CNTN1: variants seen among roughly 807,000 people sequenced by gnomAD.
CNTN1 encodes the protein contactin 1, also known as contactin-1.
A neutral mutation model predicts 126.4 loss-of-function variants in CNTN1; 38 were observed. That is an observed-to-expected ratio of 0.30 (90% CI 0.23 to 0.39). The LOEUF (loss-of-function observed/expected upper bound fraction) is 0.39. CNTN1 is among the 10% of genes least tolerant of loss of function. The pLI, the probability that CNTN1 is intolerant of heterozygous loss-of-function variation, is 1.00. For missense variants in CNTN1, 1,009 were observed against 1,248.4 expected (o/e 0.81, Z 2.89); for synonymous variants, 413 against 422.6 (o/e 0.98, Z 0.28).
intron 23 of CNTN1, among the ~76,000 whole-genome samples, chr12:41,053,428 AAT>A (rs66808071): frequency 0.14 from 8,706 of 63,854 alleles, 531 homozygotes; most frequent in East Asian, 0.22. Flanking sequence ...GTTTTCACTA[AAT>A]ATATATATAT....
At position 41,016,782 on chromosome 12, in the gene CNTN1, C is replaced by G. The variant is rs1592409142; in HGVS notation, c.2285C>G (p.Pro762Arg). 3 of 1,614,084 alleles carry G rather than the reference C, an allele frequency of 1.9e-6. No homozygotes were observed. Among genetic ancestry groups the G allele is most frequent in the East Asian group, 4.5e-5 (2 of 44,864 alleles). ...EEWKKVTVTN[P>R]DTGRYVHKDE... is the part of the protein sequence containing the mutation. The stretch of plus-strand genomic sequence containing the variant: ...TGGAAAAAAGTCACAGTTACTAATC[C>G]TGATACTGGCCGATATGTCCATAAA... The change falls in exon 19 of 24, where the codon CCT becomes CGT. Residue 762 changes from proline (P) to arginine (R), a missense_variant. Transcript: ENST00000551295.
Position 40,988,686 on chromosome 12 carries a change from G to A in CNTN1, c.1964-4434G>A, listed in dbSNP as rs567389880. Among the ~76,000 whole-genome samples the A allele has an allele frequency of 3.3e-5, 5 of 152,290 alleles. No homozygotes were observed. The South Asian group carries it at 1.0e-3, about 32-fold the overall frequency. On this transcript the variant is annotated intron_variant, in intron 16 of 23. Transcript: ENST00000551295. The stretch of plus-strand genomic sequence containing the variant: ...ATAGATCTTTGAATTATTGCTTACA[G>A]CTGGTTGCTAAACTGAGTACTTTGG...
chr12:40,797,115 C>A (rs1167249729), intron 1 of CNTN1, among the ~76,000 whole-genome samples: 1 of 151,946 alleles, frequency 6.6e-6, no homozygotes, highest in Non-Finnish European at 1.5e-5. Flanking sequence ...TTTGGCACCC[C>A]CTATGTGCCC....
chr12:40,903,442 C>T (rs1286149387), intron 1 of CNTN1, among the ~76,000 whole-genome samples: 1 of 145,614 alleles, frequency 6.9e-6, no homozygotes, highest in East Asian at 2.1e-4. Context: ...CTTTCAGGTC[C>T]ATGGAGGTCA....
rs112835012 is a variant in CNTN1, at chr12:40,937,936, T to C, written c.1228+249T>C. Among the ~76,000 whole-genome samples, 475 of 152,268 alleles carry C rather than the reference T, an allele frequency of 3.1e-3. 3 individuals carry two copies. The highest frequency in any genetic ancestry group is 0.011 in the African/African-American group (446 of 41,550). On this transcript the variant is annotated intron_variant, in intron 11 of 23. Coordinates refer to ENST00000551295, the MANE Select transcript of CNTN1 (RefSeq NM_001843.4). ...AGCAGTGGCCATACCTAGGAGCACA[T>C]TAGAAGTGCAGAATCCCAGGCTCAC... is the stretch of plus-strand genomic sequence containing the variant.
chr12:40,960,224 GT>G lies in CNTN1; in HGVS notation c.1804+1000del, dbSNP rs376625387. On this transcript the variant is annotated intron_variant, in intron 15 of 23. Coordinates refer to ENST00000551295, the MANE Select transcript of CNTN1 (RefSeq NM_001843.4). ...CTCCTAAGTTGTAAAATTCATATAT[GT>G]TTTTTTTTTAGTGAATGGCAGAGTT... 3.1e-3 allele frequency among the ~76,000 whole-genome samples: 448 copies of G among 146,456 alleles called. 1 individual carries two copies. Among genetic ancestry groups the G allele is most frequent in the African/African-American group, 9.5e-3 (381 of 40,110 alleles).
chr12:40,924,793 T>C, intron 6 of CNTN1, 141 bp downstream of exon 6: 1 of 629,326 alleles, frequency 1.6e-6, no homozygotes. Context: ...TACCTTGTAA[T>C]GTGTCACTAA....
chr12:41,064,597 A>C (rs1950010732), intron 23 of CNTN1, among the ~76,000 whole-genome samples: 1 of 152,202 alleles, frequency 6.6e-6, no homozygotes, highest in Non-Finnish European at 1.5e-5. Flanking sequence ...CACATGTTCC[A>C]TGGGGTGATA....
chr12:41,027,764 T>C, intron 21 of CNTN1, 93 bp from the exon 22 acceptor site: 1 of 814,252 alleles, frequency 1.2e-6, no homozygotes, highest in Non-Finnish European at 2.1e-6. Context: ...GTGGTGGTCA[T>C]TATCATCAGC....
At chr12:41,040,723 A>G (rs950619258) in intron 23 of CNTN1, among the ~76,000 whole-genome samples, 4 of 151,726 alleles carry the variant, frequency 2.6e-5, no homozygotes, top group Non-Finnish European at 5.9e-5. Flanking sequence ...TTTGTCTGTG[A>G]TTGGTGTATA....
rs534767368 is a variant in CNTN1, at chr12:40,905,271, T to C, written c.-76-3086T>C. ...TATGTGGACACAACTAATCTTTTTTTAGGCCTATCCCACTTCTTTCCAGAT... is the reference window on the plus strand; with the variant it reads ...TATGTGGACACAACTAATCTTTTTTCAGGCCTATCCCACTTCTTTCCAGAT... On this transcript the variant is annotated intron_variant, in intron 1 of 23. Coordinates refer to ENST00000551295, the MANE Select transcript of CNTN1 (RefSeq NM_001843.4). 5.9e-5 allele frequency among the ~76,000 whole-genome samples: 9 copies of C among 152,362 alleles called. No homozygotes were observed. In the East Asian group the frequency reaches 1.5e-3, roughly 26 times the overall value.
At position 40,933,471 on chromosome 12, in the gene CNTN1, A is replaced by G; in HGVS notation, c.714A>G (p.Lys238=). 6.2e-7 allele frequency: 1 copy of G among 1,605,810 alleles called. No individual in the cohort carries two copies. Among genetic ancestry groups the G allele is most frequent in the Non-Finnish European group, 8.5e-7 (1 of 1,172,882 alleles). Residue 238 remains lysine (K), a synonymous_variant, in exon 8 of 24, where the codon AAA becomes AAG. Coordinates refer to ENST00000551295, the MANE Select transcript of CNTN1 (RefSeq NM_001843.4). The part of the protein sequence containing the change: ...PLIPIPERTT[K]PYPADIVVQF... ...TTCTCTTAATATTAGGAACAACAAA[A>G]CCATATCCTGCTGATATTGTAGTTC...
intron 1 of CNTN1, among the ~76,000 whole-genome samples, chr12:40,891,576 G>T (rs894727648): frequency 6.6e-6 from 1 of 152,066 alleles, no homozygotes; most frequent in Non-Finnish European, 1.5e-5. Context: ...TGTAAGGTAC[G>T]TAGCTAAATT....
chr12:40,772,888 C>A (rs113736870), intron 1 of CNTN1, among the ~76,000 whole-genome samples: 228 of 151,954 alleles, frequency 1.5e-3, no homozygotes, highest in African/African-American at 5.2e-3. Context: ...ACTTCACATG[C>A]TGTTAATTTC....
intron 17 of CNTN1, among the ~76,000 whole-genome samples, chr12:41,004,017 T>A (rs1367674688): frequency 6.6e-6 from 1 of 152,162 alleles, no homozygotes; most frequent in Non-Finnish European, 1.5e-5. Context: ...GTTCTCTAGT[T>A]TTTTTAGTTG....
chr12:40,965,997 ACCACACACAC>A (rs1307624056), intron 15 of CNTN1, among the ~76,000 whole-genome samples: 12 of 119,902 alleles, frequency 1.0e-4, no homozygotes, highest in African/African-American at 4.0e-4. Context: ...ACCTCATCAC[ACCACACACAC>A]ACACACACAC....
chr12:40,972,683 G>GCTAT (rs1290496138), intron 15 of CNTN1: 1 of 963,308 alleles, frequency 1.0e-6, no homozygotes, highest in East Asian at 1.1e-4. Flanking sequence ...TCCAAAAGGA[G>GCTAT]CTATCTTAGA....
At chr12:40,882,411 T>C (rs1050271551) in intron 1 of CNTN1, among the ~76,000 whole-genome samples, 2 of 151,820 alleles carry the variant, frequency 1.3e-5, no homozygotes, top group Middle Eastern at 3.4e-3. Context: ...TAAAAGTAGA[T>C]GATTTGAAAG....
chr12:40,759,715 C>T lies in CNTN1; in HGVS notation c.-77+67123C>T, dbSNP rs145215308. Among the ~76,000 whole-genome samples the T allele has an allele frequency of 8.4e-3, 1,278 of 151,404 alleles. 23 individuals are homozygous for T. Among genetic ancestry groups the T allele is most frequent in the African/African-American group, 0.029 (1,202 of 41,206 alleles). ...AACTCCTGGGCTCAAGAAATCTGCC[C>T]ACCTCGGCCTCCCAAAGTGCTGGGA... On this transcript the variant is annotated intron_variant, in intron 1 of 23. Coordinates refer to ENST00000551295, the MANE Select transcript of CNTN1 (RefSeq NM_001843.4).
Sources: allele counts gnomAD v4.1 joint callset (sites outside exome capture counted in the v4.1 genomes callset), GRCh38; gene constraint gnomAD v4.1.1; transcripts MANE v1.5; gene names NCBI Gene and HGNC (gene_info 2026-07-23, HGNC 2026-07-21).